CACNA2D3: variants seen among roughly 807,000 people sequenced by gnomAD.
CACNA2D3 encodes voltage-dependent calcium channel subunit alpha-2/delta-3.
CACNA2D3 carries 60 observed loss-of-function variants against 160.6 expected under a neutral mutation model. That is an observed-to-expected ratio of 0.37 (90% CI 0.30 to 0.46). The LOEUF (loss-of-function observed/expected upper bound fraction) is 0.46, where lower values mean the gene tolerates loss of function less well. CACNA2D3 is among the 20% of genes least tolerant of loss of function. The pLI is 1.00. For synonymous variants in CACNA2D3, 558 were observed against 492.9 expected (o/e 1.13, Z -1.75); for missense variants, 1,205 against 1,365.0 (o/e 0.88, Z 1.85).
rs1047935806 is a variant in CACNA2D3 at position 54,636,540 on chromosome 3, G to A, written c.1054-5588G>A. Reference sequence around the variant, plus strand: ...TTGAGCATAGTTTGTGATTTTTAGGGCCTCTAAAAGTATTAAAGCAGCGGC... The same window carrying A: ...TTGAGCATAGTTTGTGATTTTTAGGACCTCTAAAAGTATTAAAGCAGCGGC... On this transcript the variant is annotated intron_variant, in intron 10 of 37. Coordinates refer to ENST00000474759, the MANE Select transcript of CACNA2D3 (RefSeq NM_018398.3). Among the ~76,000 whole-genome samples the A allele has an allele frequency of 4.6e-5, 7 of 152,052 alleles. No homozygotes were observed. The South Asian group carries it at 6.2e-4, about 14-fold the overall frequency.
rs571561204 is a variant in CACNA2D3, at chr3:54,405,250, T to C, written c.381+18476T>C. On this transcript the variant is annotated intron_variant, in intron 4 of 37. Transcript: ENST00000474759. ...ATGTGGAACCACATTAAACCCTGAA[T>C]AGCCAAAATACTACTCAGTAAAAAA... 6.1e-5 allele frequency among the ~76,000 whole-genome samples: 7 copies of C among 115,140 alleles called. 1 individual carries two copies. In the Admixed American group the frequency reaches 6.6e-4, roughly 11 times the overall value. The allele number at this position is 115,140 out of a possible 152,430, so 75.5% of individuals were successfully genotyped here.
At chr3:54,801,180 G>C (rs183635588) in intron 13 of CACNA2D3, among the ~76,000 whole-genome samples, 1 of 152,066 alleles carries the variant, frequency 6.6e-6, no homozygotes, top group Middle Eastern at 3.4e-3. Context: ...TAGAGATGGG[G>C]TTTCACCATG....
intron 2 of CACNA2D3, among the ~76,000 whole-genome samples, chr3:54,170,636 TCTTC>T (rs750671436): frequency 8.5e-5 from 13 of 152,108 alleles, no homozygotes; most frequent in Non-Finnish European, 1.8e-4. Context: ...CTCCCTCCTT[TCTTC>T]CTTCCTTCCT....
At chr3:55,051,017 CAA>C (rs1007924718) in intron 35 of CACNA2D3, among the ~76,000 whole-genome samples, 14 of 146,254 alleles carry the variant, frequency 9.6e-5, no homozygotes, top group Admixed American at 3.4e-4. Context: ...AAATTTTTTT[CAA>C]AGTTTTCAAC....
intron 31 of CACNA2D3, among the ~76,000 whole-genome samples, chr3:54,994,584 G>GT (rs1245188030): frequency 4.1e-4 from 62 of 152,318 alleles, no homozygotes; most frequent in African/African-American, 1.4e-3. Flanking sequence ...AGCAATAACA[G>GT]TAACTGCCCT....
At position 55,018,196 on chromosome 3, in the gene CACNA2D3, A is replaced by G. The variant is rs553633267; in HGVS notation, c.2876-10A>G. On this transcript the variant is annotated splice_polypyrimidine_tract_variant and intron_variant, in intron 34 of 37. Coordinates refer to ENST00000474759, the MANE Select transcript of CACNA2D3 (RefSeq NM_018398.3). ...ATTCTTTACCTTTTTTTTTCCCACT[A>G]TCCCTACAGCCCAGAAATTGAAACA... 3.4e-5 allele frequency: 53 copies of G among 1,581,932 alleles called. No individual in the cohort carries two copies. In the African/African-American group the frequency reaches 6.2e-4, roughly 18 times the overall value.
At chr3:54,557,575 G>A (rs754186086) in intron 5 of CACNA2D3, among the ~76,000 whole-genome samples, 7 of 152,162 alleles carry the variant, frequency 4.6e-5, no homozygotes, top group South Asian at 2.1e-4. Flanking sequence ...ATGGAATTTC[G>A]CTTCTTTTTG....
At chr3:54,850,038 G>A (rs913042914) in intron 17 of CACNA2D3, among the ~76,000 whole-genome samples, 2 of 152,102 alleles carry the variant, frequency 1.3e-5, no homozygotes, top group African/African-American at 2.4e-5. Flanking sequence ...CTTAATCAGC[G>A]GACTCACTTT....
intron 4 of CACNA2D3, among the ~76,000 whole-genome samples, chr3:54,425,766 A>G (rs1699903725): frequency 6.6e-6 from 1 of 152,260 alleles, no homozygotes; most frequent in East Asian, 1.9e-4. Context: ...GCCCTGGGTC[A>G]GGCCCTAAGG....
rs1282187300 is a variant in CACNA2D3, at chr3:54,885,265, TCTC to T, written c.1913-13_1913-11del. The T allele has an allele frequency of 1.2e-6, 2 of 1,613,594 alleles. No individual in the cohort carries two copies. The highest frequency in any genetic ancestry group is 1.3e-5 in the African/African-American group (1 of 74,854). ...GAGTGATACTTATTCATGAACCCCT[TCTC>T]CTTGACCCCCAGGCCTGCATGACTT... On this transcript the variant is annotated splice_polypyrimidine_tract_variant and intron_variant, in intron 21 of 37. Coordinates refer to ENST00000474759, the MANE Select transcript of CACNA2D3 (RefSeq NM_018398.3).
intron 2 of CACNA2D3, among the ~76,000 whole-genome samples, chr3:54,182,637 A>G (rs1576983915): frequency 6.6e-6 from 1 of 152,214 alleles, no homozygotes; most frequent in African/African-American, 2.4e-5. Context: ...TGACTATGTT[A>G]GATAACTCTA....
intron 14 of CACNA2D3, among the ~76,000 whole-genome samples, chr3:54,822,787 TTTCCTTTCTTTCTTTCTTTC>T (rs1703651120): frequency 5.7e-5 from 4 of 70,646 alleles, no homozygotes; most frequent in African/African-American, 1.1e-4. Flanking sequence ...TCTTTCTTTC[TTTCCTTTCTTTCTTTCTTTC>T]TTTCTTTCTT....
chr3:54,720,755 A>T lies in CACNA2D3; in HGVS notation c.1168-31844A>T, dbSNP rs151100058. On this transcript the variant is annotated intron_variant, in intron 11 of 37. Coordinates refer to ENST00000474759, the MANE Select transcript of CACNA2D3 (RefSeq NM_018398.3). Reference sequence around the variant, plus strand: ...TAACATTTCAGCTTTTTGGTGTTATATGTTGTTGTATGTGTTATTATCAGT... The same window carrying T: ...TAACATTTCAGCTTTTTGGTGTTATTTGTTGTTGTATGTGTTATTATCAGT... Among the ~76,000 whole-genome samples the T allele has an allele frequency of 2.0e-3, 299 of 152,234 alleles. 3 individuals are homozygous for T. The highest frequency in any genetic ancestry group is 6.9e-3 in the African/African-American group (286 of 41,560).
chr3:54,410,130 C>T (rs1016182198), intron 4 of CACNA2D3, among the ~76,000 whole-genome samples: 2 of 152,068 alleles, frequency 1.3e-5, no homozygotes, highest in African/African-American at 4.8e-5. Context: ...GTGGACAGAT[C>T]ACAAGGTCAG....
chr3:54,842,893 GC>G (rs1698851117), intron 16 of CACNA2D3, among the ~76,000 whole-genome samples: 1 of 151,584 alleles, frequency 6.6e-6, no homozygotes, highest in South Asian at 2.1e-4. Context: ...GAGCCACTGC[GC>G]CCGACCACCT....
At chr3:54,622,452 T>C (rs539518800) in intron 9 of CACNA2D3, among the ~76,000 whole-genome samples, 3 of 152,262 alleles carry the variant, frequency 2.0e-5, no homozygotes, top group Admixed American at 6.5e-5. Context: ...ATTTTTTGTA[T>C]TGTTAGTAGA....
intron 2 of CACNA2D3, among the ~76,000 whole-genome samples, chr3:54,190,621 T>C (rs966991926): frequency 8.5e-5 from 13 of 152,258 alleles, no homozygotes; most frequent in Admixed American, 7.8e-4. Context: ...TAAATACTCC[T>C]GCTGTTGTGC....
At chr3:54,483,116 T>C (rs1700960117) in intron 4 of CACNA2D3, among the ~76,000 whole-genome samples, 1 of 152,228 alleles carries the variant, frequency 6.6e-6, no homozygotes. Flanking sequence ...GAGCATGCGA[T>C]TGCTATTTTA....
At chr3:54,167,902 C>T (rs895994616) in intron 2 of CACNA2D3, among the ~76,000 whole-genome samples, 2 of 152,178 alleles carry the variant, frequency 1.3e-5, no homozygotes, top group Non-Finnish European at 1.5e-5. Context: ...AGGGTGAGCG[C>T]AGTATTTACA....
Sources: allele counts gnomAD v4.1 joint callset (sites outside exome capture counted in the v4.1 genomes callset), GRCh38; gene constraint gnomAD v4.1.1; transcripts MANE v1.5; gene names NCBI Gene and HGNC (gene_info 2026-07-23, HGNC 2026-07-21).